Variants in ADAM22 observed in about 807,000 individuals in gnomAD.
The protein encoded by ADAM22 is disintegrin and metalloproteinase domain-containing protein 22.
ADAM22 carries 65 observed loss-of-function variants against 144.6 expected under a neutral mutation model. That is an observed-to-expected ratio of 0.45 (90% CI 0.37 to 0.55). The LOEUF (loss-of-function observed/expected upper bound fraction) is 0.55, where lower values mean the gene tolerates loss of function less well. Among genes scored for constraint, ADAM22 ranks in the 20% least tolerant of loss-of-function variants. The pLI is 0.00. For synonymous variants in ADAM22, 391 were observed against 412.6 expected, an observed-to-expected ratio of 0.95 and a Z score of 0.63; for missense variants, 974 against 1,184.9, an observed-to-expected ratio of 0.82 and a Z score of 2.61.
intron 4 of ADAM22, among the ~76,000 whole-genome samples, chr7:88,103,812 A>G (rs1049964339): frequency 1.2e-4 from 19 of 152,174 alleles, no homozygotes; most frequent in African/African-American, 4.1e-4. Context: ...GACATGGAGA[A>G]CCTTTATAAT....
chr7:87,954,752 C>G (rs1846203238), intron 2 of ADAM22, among the ~76,000 whole-genome samples: 1 of 152,192 alleles, frequency 6.6e-6, no homozygotes. Context: ...CAACTTGGTT[C>G]CATTCTCCCC....
intron 4 of ADAM22, among the ~76,000 whole-genome samples, chr7:88,098,669 A>G (rs547856871): frequency 6.6e-6 from 1 of 151,920 alleles, no homozygotes; most frequent in Non-Finnish European, 1.5e-5. Context: ...CTCCTTCCTC[A>G]TCACTTTTAT....
intron 3 of ADAM22, among the ~76,000 whole-genome samples, chr7:88,064,645 C>T (rs985843131): frequency 6.6e-6 from 1 of 152,094 alleles, no homozygotes; most frequent in African/African-American, 2.4e-5. Flanking sequence ...GTGACAAATG[C>T]TTTGTTTTCA....
At chr7:88,144,720 G>C (rs993887907) in intron 15 of ADAM22, among the ~76,000 whole-genome samples, 2 of 151,900 alleles carry the variant, frequency 1.3e-5, no homozygotes, top group Non-Finnish European at 2.9e-5. Flanking sequence ...TTTACCCAAC[G>C]TAAGTACTTG....
rs200969340 is a variant in ADAM22 at position 88,193,226 on chromosome 7, G to T, written c.2861G>T (p.Arg954Leu). ...PLPDEDKKVN[R>L]QSARLWETSI ...CCTGATGAGGACAAGAAAGTGAACC[G>T]ACAAAGTGCCAGGGTATGTGGAAAC... Residue 954 changes from arginine (R) to leucine (L), a missense_variant, in exon 31 of 32, where the codon CGA (arginine) becomes CTA (leucine). Physicochemically the swap from Arg to Leu is moderately radical, Grantham distance 102 (BLOSUM62 -2). Coordinates refer to ENST00000413139, the MANE Select transcript of ADAM22 (RefSeq NM_001324418.2). 2 of 1,613,810 alleles carry T rather than the reference G, an allele frequency of 1.2e-6. No individual in the cohort carries two copies. The highest frequency in any genetic ancestry group is 4.5e-5 in the East Asian group (2 of 44,856).
At chr7:87,951,094 G>A (rs1844999793) in intron 2 of ADAM22, among the ~76,000 whole-genome samples, 1 of 152,054 alleles carries the variant, frequency 6.6e-6, no homozygotes, top group Admixed American at 6.6e-5. Context: ...TAGGTTGCCT[G>A]TTCACTCTGA....
intron 2 of ADAM22, among the ~76,000 whole-genome samples, chr7:87,975,990 A>T (rs1013050729): frequency 1.3e-5 from 2 of 152,090 alleles, no homozygotes; most frequent in Non-Finnish European, 1.5e-5. Context: ...ATTAAAAGCA[A>T]CTCTGATGGA....
chr7:88,062,159 GA>G (rs1810061188), intron 3 of ADAM22, among the ~76,000 whole-genome samples: 3 of 152,014 alleles, frequency 2.0e-5, no homozygotes, highest in African/African-American at 4.8e-5. Context: ...TTGAAGCGTT[GA>G]AACCAGGTAT....
intron 26 of ADAM22, among the ~76,000 whole-genome samples, chr7:88,172,992 G>T (rs1182783135): frequency 1.3e-5 from 2 of 151,928 alleles, no homozygotes; most frequent in African/African-American, 2.4e-5. Flanking sequence ...AGGAACTAAG[G>T]CTATAATGTA....
intron 3 of ADAM22, among the ~76,000 whole-genome samples, chr7:87,985,367 T>C (rs1239418217): frequency 1.3e-5 from 2 of 152,080 alleles, no homozygotes; most frequent in East Asian, 1.9e-4. Context: ...ATTTCAAGTA[T>C]ACAATTCAGT....
intron 15 of ADAM22, 56 bp downstream of exon 15, chr7:88,143,181 T>G: frequency 8.2e-7 from 1 of 1,222,068 alleles, no homozygotes; most frequent in South Asian, 1.3e-5. Flanking sequence ...TTCTAAAATA[T>G]TACAAATACA....
chr7:87,972,584 T>C (rs1175532330), intron 2 of ADAM22, among the ~76,000 whole-genome samples: 1 of 152,184 alleles, frequency 6.6e-6, no homozygotes, highest in South Asian at 2.1e-4. Context: ...GAAAAACTAC[T>C]TTAAAGTTCA....
Position 87,967,803 on chromosome 7 carries a change from G to A in ADAM22, c.247-10533G>A, listed in dbSNP as rs539021651. Among the ~76,000 whole-genome samples the A allele has an allele frequency of 4.2e-3, 249 of 59,332 alleles. 2 individuals are homozygous for A. Among genetic ancestry groups the A allele is most frequent in the African/African-American group, 0.031 (240 of 7,648 alleles). 38.9% of individuals were successfully genotyped at this position (59,332 alleles called of 152,430 possible). A position where few individuals can be genotyped will look rare whatever the true frequency, so the allele number is the denominator to read the frequency against. On this transcript the variant is annotated intron_variant, in intron 2 of 31. Coordinates refer to ENST00000413139, the MANE Select transcript of ADAM22 (RefSeq NM_001324418.2). ...AGCCTGAGCGACAGAGTGAGACTCT[G>A]TCTCAAAAAAAAAAAAAAAAAAAAA...
Position 88,201,538 on chromosome 7 carries a change from G to A in ADAM22, c.*5047G>A, listed in dbSNP as rs901129218. On this transcript the variant is annotated 3_prime_UTR_variant, in exon 32 of 32. Coordinates refer to ENST00000413139, the MANE Select transcript of ADAM22 (RefSeq NM_001324418.2). ...CTGGATGCCTAAGACAGACTTCTGT[G>A]CTTGGCAGATTGACTGAGTGTTGAC... 1 of 152,312 alleles carries A rather than the reference G, an allele frequency of 6.6e-6. No homozygotes were observed. Among genetic ancestry groups the A allele is most frequent in the Non-Finnish European group, 1.5e-5 (1 of 68,120 alleles). The allele number at this position is 152,312 out of a possible 1,614,324, so 9.4% of individuals were successfully genotyped here. A position where few individuals can be genotyped will look rare whatever the true frequency, so the allele number is the denominator to read the frequency against.
At chr7:88,189,875 C>T (rs1849224125) in intron 30 of ADAM22, among the ~76,000 whole-genome samples, 3 of 149,742 alleles carry the variant, frequency 2.0e-5, no homozygotes, top group South Asian at 4.3e-4. Flanking sequence ...ACCTGGGAGG[C>T]GGAGGTTGTA....
At chr7:88,082,428 C>T (rs1425952943) in intron 4 of ADAM22, among the ~76,000 whole-genome samples, 1 of 152,032 alleles carries the variant, frequency 6.6e-6, no homozygotes, top group Non-Finnish European at 1.5e-5. Context: ...TAGGCATGGG[C>T]AAGGACTTCA....
chr7:87,958,533 G>T (rs1847315474), intron 2 of ADAM22, among the ~76,000 whole-genome samples: 2 of 151,674 alleles, frequency 1.3e-5, no homozygotes, highest in South Asian at 4.2e-4. Flanking sequence ...TTACAGGCAC[G>T]CACCATCATG....
intron 3 of ADAM22, among the ~76,000 whole-genome samples, chr7:88,029,231 T>C (rs1799691700): frequency 6.6e-6 from 1 of 152,150 alleles, no homozygotes; most frequent in South Asian, 2.1e-4. Context: ...TGCTTTTTAT[T>C]TTTTGTGTAT....
At chr7:88,114,756 T>C in intron 6 of ADAM22, 109 bp downstream of exon 6, 1 of 1,017,994 alleles carries the variant, frequency 9.8e-7, no homozygotes, top group Non-Finnish European at 1.4e-6. Flanking sequence ...TTTTTAGGGT[T>C]AAGATAGTAA....
Sources: gnomAD v4.1 joint callset for allele counts (sites outside exome capture counted in the v4.1 genomes callset) on GRCh38, gnomAD v4.1.1 for gene constraint, MANE v1.5 for transcripts, NCBI Gene and HGNC (gene_info 2026-07-23, HGNC 2026-07-21) for gene names.